Variants in PHKG1 observed in about 807,000 individuals in gnomAD.
PHKG1 encodes phosphorylase b kinase gamma catalytic chain, skeletal muscle/heart isoform.
Under a neutral mutation model 50.5 loss-of-function variants are expected in PHKG1, and 48 were observed. That is an observed-to-expected ratio of 0.95 (90% CI 0.75 to 1.21). The LOEUF is 1.21. PHKG1 is among the 50% of genes most tolerant of loss of function. PHKG1 has a pLI of 0.00. For synonymous variants in PHKG1, 204 were observed against 212.8 expected, an observed-to-expected ratio of 0.96 and a Z score of 0.36; for missense variants, 487 against 519.5, an observed-to-expected ratio of 0.94 and a Z score of 0.61.
chr7:56,080,921 C>G lies in PHKG1; in HGVS notation c.*133G>C. ...AGCCTTTGAGAGGGGATCGTGGCCT[C>G]AGTTCCAGGGGTTCCTGGCCAGGGC... On this transcript the variant is annotated 3_prime_UTR_variant, in exon 10 of 10. Coordinates refer to ENST00000297373, the MANE Select transcript of PHKG1 (RefSeq NM_006213.5). The G allele has an allele frequency of 4.8e-6, 5 of 1,052,342 alleles. No individual in the cohort carries two copies. In the South Asian group the frequency reaches 6.4e-5, roughly 14 times the overall value. 65.2% of individuals were successfully genotyped at this position (1,052,342 alleles called of 1,614,324 possible).
rs144345525 is a variant in PHKG1, at chr7:56,089,681, G to A, written c.-34-706C>T. On this transcript the variant is annotated intron_variant, in intron 1 of 9. Transcript: ENST00000297373. ...TGGAATTACAAGCACCTACCACCAC[G>A]CCTGGCTAATTGTTGTATTTTTATT... Among the ~76,000 whole-genome samples, 533 of 151,822 alleles carry A rather than the reference G, an allele frequency of 3.5e-3. 6 individuals are homozygous for A. Among genetic ancestry groups the A allele is most frequent in the African/African-American group, 0.012 (510 of 41,430 alleles).
At chr7:56,087,304 C>T (rs1405098390) in intron 3 of PHKG1, among the ~76,000 whole-genome samples, 1 of 151,662 alleles carries the variant, frequency 6.6e-6, no homozygotes, top group African/African-American at 2.4e-5. Flanking sequence ...TCACTGCAGC[C>T]TCAAACTACT....
At chr7:56,090,348 G>T (rs945379104) in intron 1 of PHKG1, among the ~76,000 whole-genome samples, 3 of 151,632 alleles carry the variant, frequency 2.0e-5, no homozygotes, top group African/African-American at 4.8e-5. Context: ...ACTCCTGACT[G>T]CAAATGATCC....
chr7:56,081,172 G>A lies in PHKG1; in HGVS notation c.1046C>T (p.Ala349Val), dbSNP rs758309865. ...ALRPLRRLIDAYAFRIYGHWV... is the reference protein window; with the variant it reads ...ALRPLRRLIDVYAFRIYGHWV... ...GTGGCCATAGATTCGGAAAGCGTAG[G>A]CGTCGATGAGCCGGCGCAGAGGCCG... Residue 349 changes from alanine (A) to valine (V), a missense_variant, in exon 10 of 10, where the codon GCC becomes GTC. Transcript: ENST00000297373. The surrounding 1 kb of genome is among the most constrained non-coding windows in gnomAD (Gnocchi z 4.6). 8.7e-6 allele frequency: 14 copies of A among 1,613,922 alleles called. No homozygotes were observed. Among genetic ancestry groups the A allele is most frequent in the Non-Finnish European group, 1.2e-5 (14 of 1,179,938 alleles).
chr7:56,083,053 C>A, intron 6 of PHKG1: 1 of 455,436 alleles, frequency 2.2e-6, no homozygotes, highest in Non-Finnish European at 4.0e-6. Flanking sequence ...TTGCAGTGAG[C>A]CGAGATTGTG....
intron 4 of PHKG1, chr7:56,084,157 G>A: frequency 6.6e-7 from 1 of 1,526,274 alleles, no homozygotes; most frequent in Non-Finnish European, 8.8e-7. Context: ...ACCTTGCCCT[G>A]CCCTGGGCCC....
chr7:56,083,795 C>T (rs1184797230), intron 4 of PHKG1, 80 bp from the exon 5 acceptor site: 22 of 971,168 alleles, frequency 2.3e-5, no homozygotes, highest in South Asian at 1.1e-4. Flanking sequence ...AGCTGCCTTC[C>T]ACCCTGATAC....
chr7:56,089,257 G>A (rs926316735), intron 1 of PHKG1, among the ~76,000 whole-genome samples: 1 of 151,886 alleles, frequency 6.6e-6, no homozygotes, highest in Non-Finnish European at 1.5e-5. Flanking sequence ...AAAATTAGCC[G>A]GATGTGGTGG....
Position 56,081,852 on chromosome 7 carries a change from C to T in PHKG1, c.792+41G>A, listed in dbSNP as rs765010787. On this transcript the variant is annotated intron_variant, in intron 8 of 9. Coordinates refer to ENST00000297373, the MANE Select transcript of PHKG1 (RefSeq NM_006213.5). The surrounding 1 kb of genome is among the most constrained non-coding windows in gnomAD (Gnocchi z 4.6). ...CTCCCCGGGCAGGGGCGCCTGGCAT[C>T]GCAGCCCTGAGCCCAGGAGCCAGTT... 1.4e-5 allele frequency: 22 copies of T among 1,610,632 alleles called. No homozygotes were observed. The highest frequency in any genetic ancestry group is 3.3e-5 in the South Asian group (3 of 90,932).
chr7:56,082,187 G>T lies in PHKG1; in HGVS notation c.614C>A (p.Pro205Gln). 2.5e-6 allele frequency: 4 copies of T among 1,613,888 alleles called. No homozygotes were observed. Among genetic ancestry groups the T allele is most frequent in the South Asian group, 1.1e-5 (1 of 91,080 alleles). Reference sequence around the variant, plus strand: ...CATGTCCACCTCTTTCCCGTAGCCCGGGTGGTCCTCATTCATGGAGCACTC... The same window carrying T: ...CATGTCCACCTCTTTCCCGTAGCCCTGGTGGTCCTCATTCATGGAGCACTC... The part of the protein sequence containing the change: ...IIECSMNEDH[P>Q]GYGKEVDMWS... Residue 205 changes from proline (P) to glutamine (Q), a missense_variant, in exon 7 of 10, where the codon CCG (proline) becomes CAG (glutamine). Physicochemically the swap from Pro to Gln is moderately conservative, Grantham distance 76 (BLOSUM62 -1). Coordinates refer to ENST00000297373, the MANE Select transcript of PHKG1 (RefSeq NM_006213.5).
intron 6 of PHKG1, 157 bp downstream of exon 6, chr7:56,083,116 AAAAAG>A: frequency 9.2e-6 from 6 of 651,682 alleles, no homozygotes; most frequent in East Asian, 2.8e-5. Flanking sequence ...AAAAAAAAAA[AAAAAG>A]AAAGAAAAAG....
intron 5 of PHKG1, 103 bp downstream of exon 5, chr7:56,083,547 G>A (rs1377655664): frequency 1.5e-5 from 23 of 1,506,446 alleles, no homozygotes; most frequent in South Asian, 4.6e-5. Context: ...CAGCACACAC[G>A]CCCAGCCCAG....
intron 3 of PHKG1, 135 bp downstream of exon 3, chr7:56,087,463 G>GTA (rs1489271956): frequency 1.3e-6 from 1 of 769,476 alleles, no homozygotes; most frequent in African/African-American, 1.7e-5. Context: ...TATCAGAGCA[G>GTA]TGAGGGTGGA....
At position 56,083,701 on chromosome 7, in the gene PHKG1, TC is replaced by T; in HGVS notation, c.331del (p.Glu111SerfsTer12). 1 of 1,579,108 alleles carries T rather than the reference TC, an allele frequency of 6.3e-7. No individual in the cohort carries two copies. The highest frequency in any genetic ancestry group is 8.6e-7 in the Non-Finnish European group (1 of 1,159,254). Reference protein sequence around the residue: ...FLVFDLMKRGELFDYLTEKVT... With the variant: ...FLVFDLMKRGXLFDYLTEKVT... The stretch of plus-strand genomic sequence containing the variant: ...CTTCTCAGTGAGGTAGTCAAAGAGC[TC>T]CCCTCTCTTCATCCTGTGGAAACAG... On this transcript the variant is annotated frameshift_variant, in exon 5 of 10. Transcript: ENST00000297373. LOFTEE classifies it high-confidence loss of function.
Position 56,083,698 on chromosome 7 carries a change from A to C in PHKG1, c.335T>G (p.Leu112Arg). The change falls in exon 5 of 10, where the codon CTC (leucine) becomes CGC (arginine). Residue 112 changes from leucine (L) to arginine (R), a missense_variant. By Grantham distance (102) the Leu-to-Arg change is moderately radical. Coordinates refer to ENST00000297373, the MANE Select transcript of PHKG1 (RefSeq NM_006213.5). ...LVFDLMKRGE[L>R]FDYLTEKVTL... ...GACCTTCTCAGTGAGGTAGTCAAAG[A>C]GCTCCCCTCTCTTCATCCTGTGGAA... is the stretch of plus-strand genomic sequence containing the variant. 6.3e-7 allele frequency: 1 copy of C among 1,581,862 alleles called. No homozygotes were observed.
At position 56,081,831 on chromosome 7, in the gene PHKG1, C is replaced by G; in HGVS notation, c.792+62G>C. On this transcript the variant is annotated intron_variant, in intron 8 of 9. Transcript: ENST00000297373. The surrounding 1 kb of genome is among the most constrained non-coding windows in gnomAD (Gnocchi z 4.6). The stretch of plus-strand genomic sequence containing the variant: ...GCATGTCAGGAAAGGCAGGGCCTCC[C>G]CGGGCAGGGGCGCCTGGCATCGCAG... The G allele has an allele frequency of 3.1e-6, 5 of 1,609,012 alleles. No homozygotes were observed. In the South Asian group the frequency reaches 5.5e-5, roughly 18 times the overall value.
chr7:56,087,209 A>G (rs1466047075), intron 3 of PHKG1, among the ~76,000 whole-genome samples, 185 bp from the exon 4 acceptor site: 1 of 146,092 alleles, frequency 6.8e-6, no homozygotes, highest in Non-Finnish European at 1.5e-5. Context: ...TATTATTATT[A>G]TTATTATTAT....
At position 56,088,964 on chromosome 7, in the gene PHKG1, C is replaced by A. The variant is rs1796386365; in HGVS notation, c.-23G>T. On this transcript the variant is annotated 5_prime_UTR_variant, in exon 2 of 10. Coordinates refer to ENST00000297373, the MANE Select transcript of PHKG1 (RefSeq NM_006213.5). ...CATGCTCAGATCTTCAGTGAGGGAA[C>A]TCTGGGTGGCTCTGAGAGGGGAAAA... 1 of 1,543,054 alleles carries A rather than the reference C, an allele frequency of 6.5e-7. No homozygotes were observed. The highest frequency in any genetic ancestry group is 9.0e-7 in the Non-Finnish European group (1 of 1,116,648).
At position 56,081,811 on chromosome 7, in the gene PHKG1, T is replaced by C; in HGVS notation, c.793-56A>G. 6.2e-7 allele frequency: 1 copy of C among 1,608,310 alleles called. No homozygotes were observed. The highest frequency in any genetic ancestry group is 8.5e-7 in the Non-Finnish European group (1 of 1,176,428). ...GTCAAGGCAGGTCCCCTCCAGCATG[T>C]CAGGAAAGGCAGGGCCTCCCCGGGC... On this transcript the variant is annotated intron_variant, in intron 8 of 9. Transcript: ENST00000297373. The surrounding 1 kb of genome is among the most constrained non-coding windows in gnomAD (Gnocchi z 4.6).
Sources: allele counts gnomAD v4.1 joint callset (sites outside exome capture counted in the v4.1 genomes callset), GRCh38; gene constraint gnomAD v4.1.1; non-coding constraint Gnocchi (gnomAD v3.1); transcripts MANE v1.5; gene names NCBI Gene and HGNC (gene_info 2026-07-23, HGNC 2026-07-21).